EEA1: variants seen among roughly 807,000 people sequenced by gnomAD.
The protein encoded by EEA1 is early endosome antigen 1.
A neutral mutation model predicts 209.2 loss-of-function variants in EEA1; 111 were observed. That is an observed-to-expected ratio of 0.53 (90% CI 0.45 to 0.62). The LOEUF (loss-of-function observed/expected upper bound fraction) is 0.62. Among genes scored for constraint, EEA1 ranks in the 20% least tolerant of loss-of-function variants. The probability of loss-of-function intolerance (pLI) is 0.00; values close to 1 mark genes in which losing one functional copy is unlikely to be tolerated. For synonymous variants in EEA1, 536 were observed against 540.6 expected (o/e 0.99, Z 0.12); for missense variants, 1,343 against 1,530.8 (o/e 0.88, Z 2.05).
rs537064468 is a variant in EEA1, at chr12:92,895,133, ATTTTTTTTTTTTTTTTTTTTTTTTTTT to A, written c.25-3439_25-3413del. On this transcript the variant is annotated intron_variant, in intron 1 of 28. Transcript: ENST00000322349. Reference sequence around the variant, plus strand: ...ATCTGTTTACCACATGGATCACTGAATTTTTTTTTTTTTTTTTTTTTTTTTTTTTTTTTTTTTTTTGAGACGGAGTCT... The same window carrying A: ...ATCTGTTTACCACATGGATCACTGAATTTTTTTTTTTTTGAGACGGAGTCT... Among the ~76,000 whole-genome samples, 102 of 95,120 alleles carry A rather than the reference ATTTTTTTTTTTTTTTTTTTTTTTTTTT, an allele frequency of 1.1e-3. 1 individual carries two copies. The highest frequency in any genetic ancestry group is 4.2e-3 in the African/African-American group (99 of 23,662). The allele number at this position is 95,120 out of a possible 152,430, so 62.4% of individuals were successfully genotyped here.
chr12:92,829,749 A>T (rs975779666), intron 11 of EEA1, among the ~76,000 whole-genome samples: 3 of 144,326 alleles, frequency 2.1e-5, no homozygotes, highest in Non-Finnish European at 4.5e-5. Flanking sequence ...ACTGCACTCC[A>T]GCCTGGGTGA....
At chr12:92,783,493 A>C (rs900713270) in intron 22 of EEA1, among the ~76,000 whole-genome samples, 1 of 152,220 alleles carries the variant, frequency 6.6e-6, no homozygotes, top group African/African-American at 2.4e-5. Flanking sequence ...CAAGTGAACA[A>C]AAAGAGAAAA....
chr12:92,835,400 C>CTTTTTATTTTTTT (rs1876875103), intron 10 of EEA1: 1 of 147,936 alleles, frequency 6.8e-6, no homozygotes, highest in Non-Finnish European at 1.3e-5. Flanking sequence ...AGTTTCACTC[C>CTTTTTATTTTTTT]TTTTTTTTTT....
intron 13 of EEA1, among the ~76,000 whole-genome samples, chr12:92,823,927 T>C (rs755162722): frequency 3.9e-5 from 6 of 152,264 alleles, no homozygotes; most frequent in Non-Finnish European, 7.3e-5. Context: ...CTTGCTTTAC[T>C]ATTGACATTT....
At chr12:92,883,490 A>G (rs373273078) in intron 2 of EEA1, among the ~76,000 whole-genome samples, 2 of 152,178 alleles carry the variant, frequency 1.3e-5, no homozygotes, top group East Asian at 3.9e-4. Context: ...TCCCGACACT[A>G]ATGTCCAGAA....
intron 2 of EEA1, among the ~76,000 whole-genome samples, chr12:92,867,678 A>T (rs1878462648): frequency 6.6e-6 from 1 of 152,244 alleles, no homozygotes; most frequent in Non-Finnish European, 1.5e-5. Context: ...GGATACTGAT[A>T]TGTAGACAAA....
At chr12:92,778,775 C>T (rs986846487) in intron 25 of EEA1, among the ~76,000 whole-genome samples, 3 of 152,042 alleles carry the variant, frequency 2.0e-5, no homozygotes, top group African/African-American at 7.2e-5. Flanking sequence ...TATCAACATT[C>T]GTTTTGACCC....
At chr12:92,814,190 G>A (rs1053094365) in intron 15 of EEA1, among the ~76,000 whole-genome samples, 2 of 152,062 alleles carry the variant, frequency 1.3e-5, no homozygotes, top group Non-Finnish European at 2.9e-5. Flanking sequence ...ATAATTACAA[G>A]CTGAAGGAAA....
chr12:92,778,867 A>T (rs978373481), intron 25 of EEA1, among the ~76,000 whole-genome samples: 1 of 152,094 alleles, frequency 6.6e-6, no homozygotes, highest in African/African-American at 2.4e-5. Flanking sequence ...TCTGACACTT[A>T]AAAAACAAAA....
At chr12:92,780,882 T>G (rs965619857) in intron 23 of EEA1, among the ~76,000 whole-genome samples, 2 of 152,132 alleles carry the variant, frequency 1.3e-5, no homozygotes, top group Non-Finnish European at 2.9e-5. Context: ...GATCTAAAGC[T>G]CACACAACTA....
At chr12:92,849,143 C>T (rs1331050999) in intron 9 of EEA1, among the ~76,000 whole-genome samples, 1 of 152,170 alleles carries the variant, frequency 6.6e-6, no homozygotes, top group Non-Finnish European at 1.5e-5. Flanking sequence ...GAGGACTCAA[C>T]TTTAAAATAC....
intron 1 of EEA1, among the ~76,000 whole-genome samples, chr12:92,904,237 A>T (rs935927184): frequency 2.0e-5 from 3 of 152,220 alleles, no homozygotes; most frequent in African/African-American, 7.2e-5. Flanking sequence ...CTGGGATTAC[A>T]GGCGTGAGCC....
intron 3 of EEA1, among the ~76,000 whole-genome samples, chr12:92,863,483 A>C (rs1422844800): frequency 6.6e-6 from 1 of 152,206 alleles, no homozygotes; most frequent in African/African-American, 2.4e-5. Flanking sequence ...TTTGGCATAA[A>C]GCCCCAGATG....
At chr12:92,872,688 C>A (rs1005444987) in intron 2 of EEA1, among the ~76,000 whole-genome samples, 6 of 152,190 alleles carry the variant, frequency 3.9e-5, no homozygotes, top group Admixed American at 2.6e-4. Flanking sequence ...CATGGTGGCT[C>A]ATGCCTGCAT....
intron 3 of EEA1, chr12:92,858,698 T>C: frequency 1.4e-6 from 1 of 737,542 alleles, no homozygotes; most frequent in Non-Finnish European, 2.5e-6. Context: ...ACAATTGTTA[T>C]ATCTGTTTGG....
At chr12:92,902,485 G>C (rs1489239932) in intron 1 of EEA1, among the ~76,000 whole-genome samples, 1 of 152,164 alleles carries the variant, frequency 6.6e-6, no homozygotes, top group South Asian at 2.1e-4. Context: ...GCTCACGCCT[G>C]TAATCCCAGA....
At chr12:92,901,850 T>C (rs1044887679) in intron 1 of EEA1, among the ~76,000 whole-genome samples, 2 of 152,174 alleles carry the variant, frequency 1.3e-5, no homozygotes, top group Admixed American at 1.3e-4. Flanking sequence ...ATTACAGGCA[T>C]GAGCCACCGC....
intron 1 of EEA1, among the ~76,000 whole-genome samples, chr12:92,911,465 T>C (rs1880579743): frequency 6.6e-6 from 1 of 152,194 alleles, no homozygotes; most frequent in Non-Finnish European, 1.5e-5. Flanking sequence ...AAAAGATCAA[T>C]GTTTGCCAAG....
At chr12:92,832,413 A>AT (rs1876693866) in intron 11 of EEA1, 99 bp downstream of exon 11, 2 of 1,159,442 alleles carry the variant, frequency 1.7e-6, no homozygotes, top group Admixed American at 2.4e-5. Context: ...AAATGACAAT[A>AT]TTTTTTCAAC....
Sources: allele counts gnomAD v4.1 joint callset (sites outside exome capture counted in the v4.1 genomes callset), GRCh38; gene constraint gnomAD v4.1.1; transcripts MANE v1.5; gene names NCBI Gene and HGNC (gene_info 2026-07-23, HGNC 2026-07-21).